TGFB3: variants seen among roughly 807,000 people sequenced by gnomAD.
The protein encoded by TGFB3 is transforming growth factor beta 3.
TGFB3 carries 5 observed loss-of-function variants against 40.1 expected under a neutral mutation model. The observed-to-expected ratio is 0.12, with a 90% confidence interval of 0.07 to 0.26. TGFB3 has a LOEUF of 0.26. TGFB3 is among the 10% of genes least tolerant of loss of function. The probability of loss-of-function intolerance (pLI) is 1.00; values close to 1 mark genes in which losing one functional copy is unlikely to be tolerated. For synonymous variants in TGFB3, 184 were observed against 205.6 expected, an observed-to-expected ratio of 0.89 and a Z score of 0.90; for missense variants, 373 against 530.1, an observed-to-expected ratio of 0.70 and a Z score of 2.91.
chr14:75,970,174 T>C lies in TGFB3; in HGVS notation c.646+952A>G, dbSNP rs184291594. Among the ~76,000 whole-genome samples, 6 of 152,288 alleles carry C rather than the reference T, an allele frequency of 3.9e-5. No individual in the cohort carries two copies. The East Asian group carries it at 1.2e-3, about 29-fold the overall frequency. ...GGACAGGAAGGAATTCCTGGGTATC[T>C]TGAGTATCCCCAGCTCTGGTTATAG... On this transcript the variant is annotated intron_variant, in intron 3 of 6. Transcript: ENST00000238682.
At chr14:75,970,711 G>C (rs1012529326) in intron 3 of TGFB3, 10 of 280,604 alleles carry the variant, frequency 3.6e-5, no homozygotes, top group Non-Finnish European at 6.2e-5. Flanking sequence ...GTTTGCTGCT[G>C]CTGCTAGAAC....
Position 75,980,931 on chromosome 14 carries a change from C to T in TGFB3, c.-38G>A. Reference sequence around the variant, plus strand: ...AAGAGAGGCCAGGGGGACGGCAAGGCCTGGAGAGGAAGAGACCCCAGCAGA... The same window carrying T: ...AAGAGAGGCCAGGGGGACGGCAAGGTCTGGAGAGGAAGAGACCCCAGCAGA... On this transcript the variant is annotated 5_prime_UTR_variant, in exon 1 of 7. Transcript: ENST00000238682. The surrounding 1 kb of genome is among the most constrained non-coding windows in gnomAD (Gnocchi z 4.3). The T allele has an allele frequency of 6.3e-7, 1 of 1,597,802 alleles. No homozygotes were observed. The highest frequency in any genetic ancestry group is 1.3e-5 in the African/African-American group (1 of 74,664).
Position 75,959,113 on chromosome 14 carries a change from TTG to T in TGFB3, c.*72_*73del. The T allele has an allele frequency of 6.2e-7, 1 of 1,601,952 alleles. No homozygotes were observed. Among genetic ancestry groups the T allele is most frequent in the Admixed American group, 1.7e-5 (1 of 59,924 alleles). Reference sequence around the variant, plus strand: ...CAGGCCTCTCAGTGAGGTTTGTTGCTTGTGTGTTTCCCGAGGAGCGGGCAGTC... The same window carrying T: ...CAGGCCTCTCAGTGAGGTTTGTTGCTTGTGTTTCCCGAGGAGCGGGCAGTC... On this transcript the variant is annotated 3_prime_UTR_variant, in exon 7 of 7. Transcript: ENST00000238682.
intron 3 of TGFB3, among the ~76,000 whole-genome samples, chr14:75,970,207 A>T (rs1210212047): frequency 6.6e-6 from 1 of 152,008 alleles, no homozygotes; most frequent in Admixed American, 6.5e-5. Flanking sequence ...TAGCACTCCC[A>T]CACTTCTCAT....
In TGFB3 at chr14:75,963,388, G is replaced by C. The variant is rs1288935716; in HGVS notation, c.854C>G (p.Pro285Arg). Reference protein sequence around the residue: ...NPHLILMMIPPHRLDNPGQGG... With the variant: ...NPHLILMMIPRHRLDNPGQGG... ...CTGGCCCGGGTTGTCGAGCCGGTGTGGGGGAATCATCATGAGGATTAGATG... is the reference window on the plus strand; with the variant it reads ...CTGGCCCGGGTTGTCGAGCCGGTGTCGGGGAATCATCATGAGGATTAGATG... Residue 285 changes from proline (P) to arginine (R), a missense_variant, in exon 5 of 7, where the codon CCA (proline) becomes CGA (arginine). Physicochemically the swap from Pro to Arg is moderately radical, Grantham distance 103. Transcript: ENST00000238682. 1.9e-6 allele frequency: 3 copies of C among 1,614,082 alleles called. No individual in the cohort carries two copies. Among genetic ancestry groups the C allele is most frequent in the Non-Finnish European group, 2.5e-6 (3 of 1,180,044 alleles).
In TGFB3 at chr14:75,971,295, C is replaced by A. The variant is rs201310311; in HGVS notation, c.517-40G>T. On this transcript the variant is annotated intron_variant, in intron 2 of 6. Transcript: ENST00000238682. This position sits in a 1 kb window ranked among gnomAD's most constrained non-coding sequence, Gnocchi z 4.5. ...AAGGAGTGAGTACCCGAGACCAGGA[C>A]AGAGTGCCCCAGAAGATGTCACAAT... 4 of 1,613,540 alleles carry A rather than the reference C, an allele frequency of 2.5e-6. No homozygotes were observed. The Middle Eastern group carries it at 5.0e-4, about 200-fold the overall frequency.
Position 75,980,674 on chromosome 14 carries a change from T to G in TGFB3, c.220A>C (p.Asn74His). The change falls in exon 1 of 7, where the codon AAC (asparagine) becomes CAC (histidine). Residue 74 changes from asparagine (N) to histidine (H), a missense_variant. Physicochemically the swap from Asn to His is moderately conservative, Grantham distance 68. Transcript: ENST00000238682. This position sits in a 1 kb window ranked among gnomAD's most constrained non-coding sequence, Gnocchi z 4.3. ...HVPYQVLALY[N>H]STRELLEEMH... ...TCCTCCAGCAGCTCCCGGGTGCTGT[T>G]GTAAAGGGCCAGGACCTGATAGGGG... is the stretch of plus-strand genomic sequence containing the variant. 6.2e-7 allele frequency: 1 copy of G among 1,614,204 alleles called. No individual in the cohort carries two copies. Among genetic ancestry groups the G allele is most frequent in the Non-Finnish European group, 8.5e-7 (1 of 1,180,032 alleles).
chr14:75,962,972 A>G, intron 5 of TGFB3: 1 of 417,752 alleles, frequency 2.4e-6, no homozygotes, highest in East Asian at 5.4e-5. Flanking sequence ...AATCTCACAC[A>G]TACACTCTAC....
intron 4 of TGFB3, among the ~76,000 whole-genome samples, chr14:75,965,204 G>T (rs1167797481): frequency 2.6e-5 from 4 of 152,164 alleles, no homozygotes; most frequent in African/African-American, 9.6e-5. Context: ...TTTTAGGGAG[G>T]AGGAAGACAA....
Position 75,958,671 on chromosome 14 carries a change from C to A in TGFB3, c.*516G>T. ...CCTTAATCCCAGACAGTATGAGATACAATTCTGGGACTTTGTCTTCGTAAC... is the reference window on the plus strand; with the variant it reads ...CCTTAATCCCAGACAGTATGAGATAAAATTCTGGGACTTTGTCTTCGTAAC... On this transcript the variant is annotated 3_prime_UTR_variant, in exon 7 of 7. Coordinates refer to ENST00000238682, the MANE Select transcript of TGFB3 (RefSeq NM_003239.5). The A allele has an allele frequency of 4.8e-6, 1 of 206,814 alleles. No homozygotes were observed. Among genetic ancestry groups the A allele is most frequent in the East Asian group, 1.1e-4 (1 of 8,712 alleles). 12.8% of individuals were successfully genotyped at this position (206,814 alleles called of 1,614,324 possible).
At position 75,958,946 on chromosome 14, in the gene TGFB3, G is replaced by T; in HGVS notation, c.*241C>A. The T allele has an allele frequency of 1.9e-6, 1 of 530,250 alleles. No individual in the cohort carries two copies. Among genetic ancestry groups the T allele is most frequent in the Non-Finnish European group, 3.5e-6 (1 of 288,930 alleles). 32.8% of individuals were successfully genotyped at this position (530,250 alleles called of 1,614,324 possible). A position where few individuals can be genotyped will look rare whatever the true frequency, so the allele number is the denominator to read the frequency against. Reference sequence around the variant, plus strand: ...CCTCTGTCTGCGTCACAGAAAGTCTGTGTGTTCTGAAGAGTTCAGCCTTCC... The same window carrying T: ...CCTCTGTCTGCGTCACAGAAAGTCTTTGTGTTCTGAAGAGTTCAGCCTTCC... On this transcript the variant is annotated 3_prime_UTR_variant, in exon 7 of 7. Coordinates refer to ENST00000238682, the MANE Select transcript of TGFB3 (RefSeq NM_003239.5).
chr14:75,971,142 C>T lies in TGFB3; in HGVS notation c.630G>A (p.Glu210=), dbSNP rs755630460. 1.9e-6 allele frequency: 3 copies of T among 1,614,098 alleles called. No homozygotes were observed. Among genetic ancestry groups the T allele is most frequent in the Admixed American group, 3.3e-5 (2 of 60,026 alleles). The change falls in exon 3 of 7, where the codon GAG becomes GAA. Residue 210 remains glutamate (E), a synonymous_variant. Transcript: ENST00000238682. This position sits in a 1 kb window ranked among gnomAD's most constrained non-coding sequence, Gnocchi z 4.5. ...TCCACCTACCTCTTCTCAACAGCCACTCACGCACAGTGTCAGTGACATCAA... is the reference window on the plus strand; with the variant it reads ...TCCACCTACCTCTTCTCAACAGCCATTCACGCACAGTGTCAGTGACATCAA... The part of the protein sequence containing the change: ...LSFDVTDTVR[E]WLLRRESNLG...
intron 1 of TGFB3, among the ~76,000 whole-genome samples, chr14:75,972,931 C>G (rs2035311105): frequency 6.6e-6 from 1 of 152,180 alleles, no homozygotes; most frequent in African/African-American, 2.4e-5. Context: ...TGGCTCCTTT[C>G]TCTTTCCTTG....
Position 75,979,987 on chromosome 14 carries a change from G to A in TGFB3, c.352+555C>T, listed in dbSNP as rs941245049. Among the ~76,000 whole-genome samples the A allele has an allele frequency of 1.2e-4, 18 of 152,344 alleles. No individual in the cohort carries two copies. The highest frequency in any genetic ancestry group is 3.8e-4 in the African/African-American group (16 of 41,584). On this transcript the variant is annotated intron_variant, in intron 1 of 6. Coordinates refer to ENST00000238682, the MANE Select transcript of TGFB3 (RefSeq NM_003239.5). This position sits in a 1 kb window ranked among gnomAD's most constrained non-coding sequence, Gnocchi z 4.8. ...TGGGTGGGGTAGACCAAAGGGCCCA[G>A]GCAGCAAGAAGCTGTCTCCTGCCTG...
chr14:75,961,071 A>C lies in TGFB3; in HGVS notation c.932T>G (p.Leu311Trp). The change falls in exon 6 of 7, where the codon TTG (leucine) becomes TGG (tryptophan). Residue 311 changes from leucine to tryptophan, a missense_variant. Physicochemically the swap from Leu to Trp is moderately conservative, Grantham distance 61. Coordinates refer to ENST00000238682, the MANE Select transcript of TGFB3 (RefSeq NM_003239.5). ...ALDTNYCFRN[L>W]EENCCVRPLY... ...GGGGCGCACACAGCAGTTCTCCTCCAAGTTGCTACAACAAAAAACATTTAT... is the reference window on the plus strand; with the variant it reads ...GGGGCGCACACAGCAGTTCTCCTCCCAGTTGCTACAACAAAAAACATTTAT... 6.2e-7 allele frequency: 1 copy of C among 1,614,238 alleles called. No individual in the cohort carries two copies. The highest frequency in any genetic ancestry group is 8.5e-7 in the Non-Finnish European group (1 of 1,180,046).
chr14:75,965,130 C>A (rs1040936554), intron 4 of TGFB3, among the ~76,000 whole-genome samples: 15 of 152,220 alleles, frequency 9.9e-5, no homozygotes, highest in Non-Finnish European at 7.3e-5. Flanking sequence ...GTCAGGTAGG[C>A]CCTGCACATC....
Position 75,971,299 on chromosome 14 carries a change from G to A in TGFB3, c.517-44C>T, listed in dbSNP as rs763350551. 8.1e-6 allele frequency: 13 copies of A among 1,613,428 alleles called. No homozygotes were observed. Among genetic ancestry groups the A allele is most frequent in the Non-Finnish European group, 1.0e-5 (12 of 1,179,888 alleles). ...AGTGAGTACCCGAGACCAGGACAGA[G>A]TGCCCCAGAAGATGTCACAATGCAG... On this transcript the variant is annotated intron_variant, in intron 2 of 6. Coordinates refer to ENST00000238682, the MANE Select transcript of TGFB3 (RefSeq NM_003239.5). This position sits in a 1 kb window ranked among gnomAD's most constrained non-coding sequence, Gnocchi z 4.5.
chr14:75,965,061 G>A (rs959868140), intron 4 of TGFB3, among the ~76,000 whole-genome samples: 10 of 152,222 alleles, frequency 6.6e-5, no homozygotes, highest in African/African-American at 2.2e-4. Flanking sequence ...CAAACACCCC[G>A]GGGACAAACA....
In TGFB3 at chr14:75,971,916, T is replaced by C. The variant is rs1318314887; in HGVS notation, c.353-198A>G. Among the ~76,000 whole-genome samples, 1 of 152,226 alleles carries C rather than the reference T, an allele frequency of 6.6e-6. No homozygotes were observed. The highest frequency in any genetic ancestry group is 1.5e-5 in the Non-Finnish European group (1 of 68,042). ...ACACACAGTCCTGAGCAAGGAGCAG[T>C]GTGGCCTCAGAGCTCCACAACATGG... On this transcript the variant is annotated intron_variant, in intron 1 of 6. Transcript: ENST00000238682. This position sits in a 1 kb window ranked among gnomAD's most constrained non-coding sequence, Gnocchi z 4.5.
Sources: gnomAD v4.1 joint callset for allele counts (sites outside exome capture counted in the v4.1 genomes callset) on GRCh38, gnomAD v4.1.1 for gene constraint, Gnocchi (gnomAD v3.1) non-coding constraint, MANE v1.5 for transcripts, NCBI Gene and HGNC (gene_info 2026-07-23, HGNC 2026-07-21) for gene names.